The following AGTR1 variants were observed in gnomAD, a reference collection of about 807,000 sequenced individuals.
The protein encoded by AGTR1 is angiotensin II receptor type 1, also known as type-1 angiotensin II receptor.
AGTR1 carries 16 observed loss-of-function variants against 19.4 expected under a neutral mutation model. The observed-to-expected ratio is 0.82, with a 90% CI of 0.56 to 1.25. AGTR1 has a LOEUF of 1.25. Ranked by LOEUF, AGTR1 falls within the 50% of genes most tolerant of loss-of-function variation. The probability of loss-of-function intolerance (pLI) is 0.00; values close to 1 mark genes in which losing one functional copy is unlikely to be tolerated. For missense variants in AGTR1, 373 were observed against 431.9 expected (o/e 0.86, Z 1.21); for synonymous variants, 153 against 154.9 (o/e 0.99, Z 0.09).
chr3:148,733,055 A>G (rs1473401024), intron 2 of AGTR1, among the ~76,000 whole-genome samples: 1 of 152,156 alleles, frequency 6.6e-6, no homozygotes, highest in African/African-American at 2.4e-5. Context: ...AATTTTTTTA[A>G]GAGTATAACC....
Position 148,716,781 on chromosome 3 carries a change from C to T in AGTR1, c.-48+8754C>T, listed in dbSNP as rs1261542191. Among the ~76,000 whole-genome samples the T allele has an allele frequency of 1.3e-5, 2 of 152,078 alleles. No individual in the cohort carries two copies. Among genetic ancestry groups the T allele is most frequent in the African/African-American group, 4.8e-5 (2 of 41,418 alleles). ...AAGATTATGGTTTTTTCTTTGAGTT[C>T]TCTGAATTTGAATAGTTTCTTAACC... On this transcript the variant is annotated intron_variant, in intron 2 of 2. Coordinates refer to ENST00000349243, the MANE Select transcript of AGTR1 (RefSeq NM_000685.5). The surrounding 1 kb of genome is among the most constrained non-coding windows in gnomAD (Gnocchi z 4.7).
intron 2 of AGTR1, among the ~76,000 whole-genome samples, chr3:148,720,715 CACGTT>C (rs17237302): frequency 0.31 from 47,217 of 151,686 alleles, 10,077 homozygotes; most frequent in African/African-American, 0.62. Flanking sequence ...TTTTTTTACT[CACGTT>C]ACTACTTTAG....
intron 1 of AGTR1, among the ~76,000 whole-genome samples, chr3:148,698,651 C>T (rs955981921): frequency 1.3e-5 from 2 of 152,110 alleles, no homozygotes; most frequent in Non-Finnish European, 1.5e-5. Flanking sequence ...GCGGTGGGTC[C>T]TAGACACGGG....
chr3:148,739,552 A>G (rs1056118579), intron 2 of AGTR1, among the ~76,000 whole-genome samples: 11 of 152,208 alleles, frequency 7.2e-5, no homozygotes, highest in Admixed American at 1.3e-4. Flanking sequence ...TAATGAGGAC[A>G]TGCAACCAAA....
intron 2 of AGTR1, among the ~76,000 whole-genome samples, chr3:148,719,615 C>A (rs1260582949): frequency 1.3e-5 from 2 of 152,206 alleles, no homozygotes; most frequent in Non-Finnish European, 2.9e-5. Context: ...AGCCACACTT[C>A]AGTGAGCTCA....
At chr3:148,706,470 A>T (rs1712673076) in intron 1 of AGTR1, among the ~76,000 whole-genome samples, 1 of 152,044 alleles carries the variant, frequency 6.6e-6, no homozygotes, top group African/African-American at 2.4e-5. Flanking sequence ...TTTCTTATTT[A>T]AAAAATCCTC....
At chr3:148,725,102 T>C (rs1054275609) in intron 2 of AGTR1, among the ~76,000 whole-genome samples, 14 of 152,154 alleles carry the variant, frequency 9.2e-5, no homozygotes, top group Admixed American at 3.3e-4. Flanking sequence ...AATTACCACA[T>C]GTTAAGTCAG....
intron 1 of AGTR1, among the ~76,000 whole-genome samples, chr3:148,701,735 A>G (rs568896557): frequency 1.6e-4 from 24 of 152,232 alleles, no homozygotes; most frequent in African/African-American, 5.8e-4. Context: ...GTTTCCTATT[A>G]TTACAATGTG....
In AGTR1 at chr3:148,741,254, T is replaced by A. The variant is rs912926961; in HGVS notation, c.219T>A (p.Ala73=). Residue 73 remains alanine, a synonymous_variant, in exon 3 of 3, where the codon GCT becomes GCA. Coordinates refer to ENST00000349243, the MANE Select transcript of AGTR1 (RefSeq NM_000685.5). Reference sequence around the variant, plus strand: ...TTTTTCTTTTGAATTTAGCACTGGCTGACTTATGCTTTTTACTGACTTTGC... The same window carrying A: ...TTTTTCTTTTGAATTTAGCACTGGCAGACTTATGCTTTTTACTGACTTTGC... The part of the protein sequence containing the change: ...ASVFLLNLAL[A]DLCFLLTLPL... 9.3e-6 allele frequency: 15 copies of A among 1,613,942 alleles called. No homozygotes were observed. The highest frequency in any genetic ancestry group is 1.2e-5 in the Non-Finnish European group (14 of 1,180,026).
intron 2 of AGTR1, among the ~76,000 whole-genome samples, chr3:148,736,060 G>C (rs1714554731): frequency 6.6e-6 from 1 of 152,064 alleles, no homozygotes. Flanking sequence ...AAAAGAGCTT[G>C]TAATGAACAA....
chr3:148,708,654 T>A (rs573809626), intron 2 of AGTR1, among the ~76,000 whole-genome samples: 2 of 152,286 alleles, frequency 1.3e-5, no homozygotes, highest in South Asian at 4.1e-4. Context: ...TCACAACCTG[T>A]TGTGGAGCTC....
intron 2 of AGTR1, among the ~76,000 whole-genome samples, chr3:148,733,908 A>G (rs947477549): frequency 5.9e-5 from 9 of 152,204 alleles, no homozygotes; most frequent in African/African-American, 1.7e-4. Flanking sequence ...CATATTTAAC[A>G]TAAGAGTATT....
At chr3:148,706,288 G>T (rs941448243) in intron 1 of AGTR1, among the ~76,000 whole-genome samples, 9 of 151,796 alleles carry the variant, frequency 5.9e-5, no homozygotes, top group Non-Finnish European at 1.3e-4. Flanking sequence ...TTTTATAGAA[G>T]AAATCATTTT....
intron 2 of AGTR1, among the ~76,000 whole-genome samples, chr3:148,732,358 C>T (rs946754655): frequency 6.6e-6 from 1 of 152,208 alleles, no homozygotes; most frequent in African/African-American, 2.4e-5. Context: ...TCTAGAACCA[C>T]AACCAGCTAT....
intron 1 of AGTR1, among the ~76,000 whole-genome samples, chr3:148,702,560 T>C (rs1485150287): frequency 6.6e-6 from 1 of 152,214 alleles, no homozygotes; most frequent in Non-Finnish European, 1.5e-5. Flanking sequence ...TCTAATAGCC[T>C]AATGCTAGTA....
intron 1 of AGTR1, among the ~76,000 whole-genome samples, chr3:148,704,756 T>C (rs919904184): frequency 2.0e-5 from 3 of 152,190 alleles, no homozygotes; most frequent in Non-Finnish European, 4.4e-5. Context: ...CAGGGGCTTA[T>C]TGATGTTGGT....
intron 2 of AGTR1, among the ~76,000 whole-genome samples, chr3:148,736,037 C>T (rs1714553856): frequency 6.6e-6 from 1 of 151,870 alleles, no homozygotes; most frequent in African/African-American, 2.4e-5. Flanking sequence ...CTTTAGATTG[C>T]AAACTAGTTT....
intron 2 of AGTR1, among the ~76,000 whole-genome samples, chr3:148,725,938 A>T (rs1713908487): frequency 1.3e-5 from 2 of 152,238 alleles, no homozygotes; most frequent in Admixed American, 6.5e-5. Flanking sequence ...TTAGCTTCGC[A>T]CTTCAGCTAT....
Position 148,742,905 on chromosome 3 carries a change from A to C in AGTR1, c.*790A>C, listed in dbSNP as rs933781399. 3.0e-5 allele frequency: 5 copies of C among 166,646 alleles called. No individual in the cohort carries two copies. The highest frequency in any genetic ancestry group is 7.3e-5 in the Non-Finnish European group (5 of 68,068). The allele number at this position is 166,646 out of a possible 1,614,324, so 10.3% of individuals were successfully genotyped here. ...TGTTTAAAAAAAGTATATATTCTACACATATATGTATATGTATATCTATAT... is the reference window on the plus strand; with the variant it reads ...TGTTTAAAAAAAGTATATATTCTACCCATATATGTATATGTATATCTATAT... On this transcript the variant is annotated 3_prime_UTR_variant, in exon 3 of 3. Coordinates refer to ENST00000349243, the MANE Select transcript of AGTR1 (RefSeq NM_000685.5).
Sources: gnomAD v4.1 joint callset for allele counts (sites outside exome capture counted in the v4.1 genomes callset) on GRCh38, gnomAD v4.1.1 for gene constraint, Gnocchi (gnomAD v3.1) non-coding constraint, MANE v1.5 for transcripts, NCBI Gene and HGNC (gene_info 2026-07-23, HGNC 2026-07-21) for gene names.